PLCXD3: variants seen among roughly 807,000 people sequenced by gnomAD.
The protein encoded by PLCXD3 is phosphatidylinositol specific phospholipase C X domain containing 3, also known as PI-PLC X domain-containing protein 3.
A neutral mutation model predicts 25.5 loss-of-function variants in PLCXD3; 19 were observed. That is an observed-to-expected ratio of 0.75 (90% CI 0.52 to 1.09). PLCXD3 has a LOEUF of 1.09. PLCXD3 is among the 50% of genes least tolerant of loss of function. PLCXD3 has a pLI of 0.00. For missense variants in PLCXD3, 411 were observed against 388.1 expected (o/e 1.06, Z -0.50); for synonymous variants, 174 against 137.6 (o/e 1.26, Z -1.85).
intron 1 of PLCXD3, among the ~76,000 whole-genome samples, chr5:41,429,693 G>T (rs1042340276): frequency 2.6e-5 from 4 of 151,962 alleles, no homozygotes; most frequent in Non-Finnish European, 4.4e-5. Context: ...AAGAGAAAAA[G>T]AAAGAAATAT....
At chr5:41,355,161 C>G (rs1744583425) in intron 2 of PLCXD3, among the ~76,000 whole-genome samples, 1 of 152,198 alleles carries the variant, frequency 6.6e-6, no homozygotes, top group African/African-American at 2.4e-5. Context: ...TAGACTGATA[C>G]CAGGCCTTAG....
intron 2 of PLCXD3, among the ~76,000 whole-genome samples, chr5:41,346,600 C>G (rs1038814157): frequency 6.6e-6 from 1 of 151,986 alleles, no homozygotes; most frequent in Non-Finnish European, 1.5e-5. Flanking sequence ...ATTAATTTAA[C>G]ATATAAAATT....
intron 2 of PLCXD3, among the ~76,000 whole-genome samples, chr5:41,363,569 C>T (rs184851988): frequency 1.9e-4 from 29 of 152,108 alleles, no homozygotes; most frequent in Non-Finnish European, 3.8e-4. Flanking sequence ...AGAATGACTC[C>T]GAATCTTTTT....
intron 1 of PLCXD3, among the ~76,000 whole-genome samples, chr5:41,404,483 A>G (rs1285060958): frequency 6.6e-6 from 1 of 152,174 alleles, no homozygotes; most frequent in Non-Finnish European, 1.5e-5. Context: ...AAGGAAGGAA[A>G]TGATTTAAGT....
intron 2 of PLCXD3, among the ~76,000 whole-genome samples, chr5:41,354,293 G>A (rs747531590): frequency 1.3e-5 from 2 of 152,154 alleles, no homozygotes; most frequent in Non-Finnish European, 2.9e-5. Context: ...GGACCTGAAT[G>A]TCCTACAAAC....
At position 41,510,341 on chromosome 5, in the gene PLCXD3, G is replaced by A. The variant is rs540468507; in HGVS notation, c.103+83C>T. ...TTCCCTCCCGCGGGCATCGTGGCAA[G>A]TTACCACTTAGTGGCAGATAAAGCA... On this transcript the variant is annotated intron_variant, in intron 1 of 2. Transcript: ENST00000377801. 122 of 1,236,112 alleles carry A rather than the reference G, an allele frequency of 9.9e-5. No homozygotes were observed. The African/African-American group carries it at 1.5e-3, about 15-fold the overall frequency. The allele number at this position is 1,236,112 out of a possible 1,614,324, so 76.6% of individuals were successfully genotyped here.
intron 1 of PLCXD3, among the ~76,000 whole-genome samples, chr5:41,489,832 G>C (rs1367739730): frequency 1.3e-5 from 2 of 151,166 alleles, no homozygotes; most frequent in East Asian, 3.9e-4. Flanking sequence ...AGGAGATTTT[G>C]GGCTGAGACA....
intron 2 of PLCXD3, among the ~76,000 whole-genome samples, chr5:41,341,420 G>A (rs1486726728): frequency 1.3e-5 from 2 of 152,074 alleles, no homozygotes; most frequent in East Asian, 3.9e-4. Flanking sequence ...ATGATTACTA[G>A]GAAGCTTAGA....
At chr5:41,360,846 G>A (rs1399934194) in intron 2 of PLCXD3, among the ~76,000 whole-genome samples, 1 of 152,184 alleles carries the variant, frequency 6.6e-6, no homozygotes, top group African/African-American at 2.4e-5. Flanking sequence ...CCTCCCGCCA[G>A]GAGGTAGGGC....
chr5:41,510,566 T>C lies in PLCXD3; in HGVS notation c.-40A>G. ...TGCAGCGCGCTGGTCCCAGCACTCC[T>C]CGGGCAGGCTGGCAGGCTGCTGCCG... On this transcript the variant is annotated 5_prime_UTR_variant, in exon 1 of 3. Coordinates refer to ENST00000377801, the MANE Select transcript of PLCXD3 (RefSeq NM_001005473.3). The C allele has an allele frequency of 6.5e-7, 1 of 1,538,760 alleles. No individual in the cohort carries two copies. The highest frequency in any genetic ancestry group is 8.9e-7 in the Non-Finnish European group (1 of 1,117,744).
chr5:41,486,191 A>G (rs1561287139), intron 1 of PLCXD3, among the ~76,000 whole-genome samples: 1 of 152,104 alleles, frequency 6.6e-6, no homozygotes, highest in African/African-American at 2.4e-5. Context: ...CATACAATGA[A>G]GTCCAATCTG....
At chr5:41,476,065 A>G (rs550101339) in intron 1 of PLCXD3, among the ~76,000 whole-genome samples, 1 of 152,228 alleles carries the variant, frequency 6.6e-6, no homozygotes, top group African/African-American at 2.4e-5. Context: ...ATATCTGTAC[A>G]TAACCCCATC....
At chr5:41,366,050 G>C (rs905667916) in intron 2 of PLCXD3, among the ~76,000 whole-genome samples, 1 of 151,716 alleles carries the variant, frequency 6.6e-6, no homozygotes, top group Non-Finnish European at 1.5e-5. Context: ...CCGTTAACTC[G>C]TCATTTATAT....
In PLCXD3 at chr5:41,415,561, C is replaced by T. The variant is rs114712859; in HGVS notation, c.104-33027G>A. Among the ~76,000 whole-genome samples, 405 of 152,244 alleles carry T rather than the reference C, an allele frequency of 2.7e-3. 2 individuals are homozygous for T. The highest frequency in any genetic ancestry group is 8.7e-3 in the African/African-American group (362 of 41,564). Reference sequence around the variant, plus strand: ...CTATTTAGTTCACAATGACGTTGCCCATTTCTGAATTCTTAGAGCACTTAT... The same window carrying T: ...CTATTTAGTTCACAATGACGTTGCCTATTTCTGAATTCTTAGAGCACTTAT... On this transcript the variant is annotated intron_variant, in intron 1 of 2. Transcript: ENST00000377801.
intron 2 of PLCXD3, among the ~76,000 whole-genome samples, chr5:41,352,718 C>G (rs1283360668): frequency 6.6e-6 from 1 of 152,130 alleles, no homozygotes. Context: ...GAATTCTTAA[C>G]AGCTGAAAAA....
intron 1 of PLCXD3, among the ~76,000 whole-genome samples, chr5:41,385,852 T>C (rs749091620): frequency 2.0e-5 from 3 of 152,114 alleles, no homozygotes; most frequent in African/African-American, 4.8e-5. Flanking sequence ...CAGAGGTCTT[T>C]AGACTAACAG....
At chr5:41,470,449 T>C (rs953462429) in intron 1 of PLCXD3, among the ~76,000 whole-genome samples, 2 of 152,158 alleles carry the variant, frequency 1.3e-5, no homozygotes, top group South Asian at 2.1e-4. Flanking sequence ...TGGAAATTAG[T>C]AGAGCATCAG....
intron 1 of PLCXD3, among the ~76,000 whole-genome samples, chr5:41,448,693 T>G (rs1747560990): frequency 6.6e-6 from 1 of 152,182 alleles, no homozygotes; most frequent in Non-Finnish European, 1.5e-5. Context: ...TCCCTACCTC[T>G]TTTTTCACCA....
chr5:41,490,444 C>T (rs1748636891), intron 1 of PLCXD3, among the ~76,000 whole-genome samples: 1 of 152,042 alleles, frequency 6.6e-6, no homozygotes, highest in African/African-American at 2.4e-5. Flanking sequence ...ATGATGCTGG[C>T]CTCATAAAAT....
Sources: allele counts gnomAD v4.1 joint callset (sites outside exome capture counted in the v4.1 genomes callset), GRCh38; gene constraint gnomAD v4.1.1; transcripts MANE v1.5; gene names NCBI Gene and HGNC (gene_info 2026-07-23, HGNC 2026-07-21).